ADAMTSL3: variants seen among roughly 807,000 people sequenced by gnomAD.
ADAMTSL3 encodes the protein ADAMTS like 3, also known as ADAMTS-like protein 3.
Under a neutral mutation model 201.7 loss-of-function variants are expected in ADAMTSL3, and 128 were observed. The observed-to-expected ratio is 0.63, with a 90% confidence interval of 0.55 to 0.73. The LOEUF (loss-of-function observed/expected upper bound fraction) is 0.73. Among genes scored for constraint, ADAMTSL3 ranks in the 30% least tolerant of loss-of-function variants. ADAMTSL3 has a pLI of 0.00. For missense variants in ADAMTSL3, 1,990 were observed against 2,119.6 expected (o/e 0.94, Z 1.20); for synonymous variants, 738 against 748.4 (o/e 0.99, Z 0.23).
rs1241454074 is a variant in ADAMTSL3, at chr15:83,913,360, A to C, written c.1969A>C (p.Thr657Pro). ...GGAGTACGCTGGGTTCACCCCTTGCACAGCAACATGCGTGGGAGGTATTTG... is the reference window on the plus strand; with the variant it reads ...GGAGTACGCTGGGTTCACCCCTTGCCCAGCAACATGCGTGGGAGGTATTTG... ...DWEYAGFTPC[T>P]ATCVGGHQEA... The change falls in exon 16 of 30, where the codon ACA becomes CCA. Residue 657 changes from threonine to proline, a missense_variant. By Grantham distance (38) the Thr-to-Pro change is conservative (BLOSUM62 -1). Transcript: ENST00000286744. 6.2e-7 allele frequency: 1 copy of C among 1,613,544 alleles called. No homozygotes were observed. Among genetic ancestry groups the C allele is most frequent in the Non-Finnish European group, 8.5e-7 (1 of 1,180,020 alleles).
At chr15:83,887,271 C>T (rs2065413179) in intron 10 of ADAMTSL3, among the ~76,000 whole-genome samples, 1 of 152,158 alleles carries the variant, frequency 6.6e-6, no homozygotes, top group African/African-American at 2.4e-5. Flanking sequence ...TGTGTTATTC[C>T]TGCACTGTTA....
In ADAMTSL3 at chr15:83,890,146, C is replaced by T. The variant is rs764211624; in HGVS notation, c.1110C>T (p.Arg370=). The change falls in exon 11 of 30, where the codon CGC becomes CGT. Residue 370 remains arginine, a synonymous_variant. Transcript: ENST00000286744. ...ATTCTGCTGAATGTGTGGATATCCG[C>T]TTGAAGAGGGTAGTTCCTGACCATT... The part of the protein sequence containing the change: ...QLNSAECVDI[R]LKRVVPDHYC... The T allele has an allele frequency of 4.3e-6, 7 of 1,613,458 alleles. No individual in the cohort carries two copies. Among genetic ancestry groups the T allele is most frequent in the Non-Finnish European group, 5.9e-6 (7 of 1,179,746 alleles).
At chr15:83,997,872 C>A (rs1390866998) in intron 23 of ADAMTSL3, among the ~76,000 whole-genome samples, 1 of 152,004 alleles carries the variant, frequency 6.6e-6, no homozygotes, top group Non-Finnish European at 1.5e-5. Flanking sequence ...TGTTTCCAGT[C>A]CTGAAATTCT....
chr15:83,767,496 G>C (rs2062911974), intron 3 of ADAMTSL3, among the ~76,000 whole-genome samples: 1 of 152,216 alleles, frequency 6.6e-6, no homozygotes, highest in South Asian at 2.1e-4. Context: ...ATTGGGAGCA[G>C]CTATACTCAA....
At chr15:83,802,669 A>G (rs1282485903) in intron 4 of ADAMTSL3, among the ~76,000 whole-genome samples, 2 of 152,190 alleles carry the variant, frequency 1.3e-5, no homozygotes, top group Non-Finnish European at 2.9e-5. Context: ...AAAACCAACC[A>G]GTGGTTGCCA....
At chr15:84,018,208 A>G (rs896589958) in intron 25 of ADAMTSL3, among the ~76,000 whole-genome samples, 1 of 152,258 alleles carries the variant, frequency 6.6e-6, no homozygotes, top group African/African-American at 2.4e-5. Flanking sequence ...CACCTCCTAC[A>G]CAGACACACA....
intron 8 of ADAMTSL3, chr15:83,861,747 A>G (rs1229927252): frequency 1.3e-5 from 2 of 152,260 alleles, no homozygotes; most frequent in African/African-American, 4.8e-5. Flanking sequence ...GCTCCTCACC[A>G]GCAACGGAAC....
chr15:83,801,001 C>A (rs1458680542), intron 4 of ADAMTSL3, among the ~76,000 whole-genome samples: 1 of 152,116 alleles, frequency 6.6e-6, no homozygotes, highest in African/African-American at 2.4e-5. Context: ...AGTCATTTCC[C>A]CTTGACCAAG....
At chr15:83,786,927 T>G (rs143600404) in intron 4 of ADAMTSL3, among the ~76,000 whole-genome samples, 1 of 152,314 alleles carries the variant, frequency 6.6e-6, no homozygotes, top group East Asian at 1.9e-4. Context: ...AATGACTTCA[T>G]CATTCCGAGA....
At chr15:83,995,973 T>C (rs2067680180) in intron 23 of ADAMTSL3, among the ~76,000 whole-genome samples, 1 of 152,060 alleles carries the variant, frequency 6.6e-6, no homozygotes, top group Non-Finnish European at 1.5e-5. Context: ...ATACAGTATA[T>C]GGAAACTAAA....
chr15:83,695,475 C>T (rs539818014), intron 2 of ADAMTSL3, among the ~76,000 whole-genome samples: 68 of 152,094 alleles, frequency 4.5e-4, no homozygotes, highest in South Asian at 2.1e-4. Flanking sequence ...AGGCCCTGCC[C>T]ACCTCACTGA....
chr15:83,843,569 T>A (rs1486466856), intron 7 of ADAMTSL3, among the ~76,000 whole-genome samples: 1 of 152,204 alleles, frequency 6.6e-6, no homozygotes, highest in Admixed American at 6.5e-5. Flanking sequence ...TCATGCTTTG[T>A]GTGAAAGAAA....
At chr15:83,952,856 A>AC (rs1393595475) in intron 19 of ADAMTSL3, among the ~76,000 whole-genome samples, 1 of 151,190 alleles carries the variant, frequency 6.6e-6, no homozygotes, top group Non-Finnish European at 1.5e-5. Context: ...TGCTGAACTG[A>AC]CCCCTCTATA....
chr15:84,008,906 C>T (rs2067951038), intron 23 of ADAMTSL3, among the ~76,000 whole-genome samples: 1 of 152,138 alleles, frequency 6.6e-6, no homozygotes, highest in Admixed American at 6.5e-5. Context: ...ATCCTGGAGT[C>T]GGTTTTTACT....
Position 83,668,809 on chromosome 15 carries a change from A to G in ADAMTSL3, c.69+12979A>G, listed in dbSNP as rs552327941. Among the ~76,000 whole-genome samples, 34 of 152,250 alleles carry G rather than the reference A, an allele frequency of 2.2e-4. No individual in the cohort carries two copies. In the Middle Eastern group the frequency reaches 0.014, roughly 61 times the overall value. On this transcript the variant is annotated intron_variant, in intron 2 of 29. Transcript: ENST00000286744. ...TTGTGAACATTCTGTTCTGATGGGTATTCTCTTCTTAATGGGGCTCTGCTC... is the reference window on the plus strand; with the variant it reads ...TTGTGAACATTCTGTTCTGATGGGTGTTCTCTTCTTAATGGGGCTCTGCTC...
chr15:83,702,971 G>T (rs1177589362), intron 2 of ADAMTSL3, among the ~76,000 whole-genome samples: 1 of 152,106 alleles, frequency 6.6e-6, no homozygotes, highest in Non-Finnish European at 1.5e-5. Context: ...TGGGAGAGAG[G>T]CCATACCCTG....
intron 3 of ADAMTSL3, among the ~76,000 whole-genome samples, chr15:83,725,155 A>G (rs1412480542): frequency 6.6e-6 from 1 of 152,110 alleles, no homozygotes; most frequent in African/African-American, 2.4e-5. Context: ...GGTTGTGCTA[A>G]TTTACATTCC....
chr15:83,870,176 G>A (rs2065056089), intron 8 of ADAMTSL3, among the ~76,000 whole-genome samples: 2 of 152,168 alleles, frequency 1.3e-5, no homozygotes, highest in Non-Finnish European at 2.9e-5. Context: ...TTGTGGCAAT[G>A]GAGTGGTTCT....
Position 84,037,747 on chromosome 15 carries a change from A to C in ADAMTSL3, c.5017A>C (p.Asn1673His). The change falls in exon 30 of 30, where the codon AAT becomes CAT. Residue 1673 changes from asparagine to histidine, a missense_variant. Asn to His is a moderately conservative substitution (Grantham distance 68). Transcript: ENST00000286744. Reference protein sequence around the residue: ...THYCMFVKHLNLCSLDRYKQR... With the variant: ...THYCMFVKHLHLCSLDRYKQR... ...CTACTGTATGTTTGTAAAACATCTT[A>C]ATTTGTGTTCTCTAGACCGCTACAA... The C allele has an allele frequency of 6.2e-7, 1 of 1,613,532 alleles. No homozygotes were observed. The highest frequency in any genetic ancestry group is 1.1e-5 in the South Asian group (1 of 90,878).
Sources: allele counts gnomAD v4.1 joint callset (sites outside exome capture counted in the v4.1 genomes callset), GRCh38; gene constraint gnomAD v4.1.1; transcripts MANE v1.5; gene names NCBI Gene and HGNC (gene_info 2026-07-23, HGNC 2026-07-21).